Variants in PCSK5 observed in about 807,000 individuals in gnomAD.
The protein encoded by PCSK5 is proprotein convertase subtilisin/kexin type 5.
A neutral mutation model predicts 233.2 loss-of-function variants in PCSK5; 129 were observed. That is an observed-to-expected ratio of 0.55 (90% CI 0.48 to 0.64). The LOEUF (loss-of-function observed/expected upper bound fraction) is 0.64. PCSK5 is among the 30% of genes least tolerant of loss of function. The pLI is 0.00. For synonymous variants in PCSK5, 825 were observed against 879.2 expected, an observed-to-expected ratio of 0.94 and a Z score of 1.09; for missense variants, 2,076 against 2,430.1, an observed-to-expected ratio of 0.85 and a Z score of 3.06.
chr9:76,331,693 G>A (rs1213728730), intron 33 of PCSK5, among the ~76,000 whole-genome samples: 1 of 151,530 alleles, frequency 6.6e-6, no homozygotes, highest in African/African-American at 2.4e-5. Context: ...AGAGATGCCA[G>A]GGGATCAGAG....
chr9:76,227,484 A>T lies in PCSK5; in HGVS notation c.2627-19A>T. 1 of 1,562,064 alleles carries T rather than the reference A, an allele frequency of 6.4e-7. No individual in the cohort carries two copies. Among genetic ancestry groups the T allele is most frequent in the Non-Finnish European group, 8.8e-7 (1 of 1,137,044 alleles). ...TTGCCATGTAGAAATGAAATAAACA[A>T]CTAGATTTTGTTCCCCAGGAGAATA... is the stretch of plus-strand genomic sequence containing the variant. On this transcript the variant is annotated intron_variant, in intron 20 of 37. Coordinates refer to ENST00000674117, the MANE Select transcript of PCSK5 (RefSeq NM_001372043.1).
At chr9:76,273,424 A>G (rs2131376152) in intron 24 of PCSK5, among the ~76,000 whole-genome samples, 1 of 151,612 alleles carries the variant, frequency 6.6e-6, no homozygotes, top group East Asian at 1.9e-4. Context: ...TCATCCACCA[A>G]ATTTCATTGC....
intron 27 of PCSK5, among the ~76,000 whole-genome samples, chr9:76,301,897 G>A (rs991460241): frequency 4.6e-5 from 7 of 152,052 alleles, no homozygotes; most frequent in Admixed American, 2.6e-4. Context: ...AAATACCTAC[G>A]AGATTTATAG....
chr9:76,257,729 C>T (rs1827029934), intron 24 of PCSK5, among the ~76,000 whole-genome samples: 1 of 152,184 alleles, frequency 6.6e-6, no homozygotes, highest in Non-Finnish European at 1.5e-5. Context: ...ACTGATCACC[C>T]TTTGGCCAAG....
At chr9:76,111,522 G>A (rs915466854) in intron 9 of PCSK5, among the ~76,000 whole-genome samples, 4 of 152,140 alleles carry the variant, frequency 2.6e-5, no homozygotes, top group African/African-American at 4.8e-5. Context: ...ACAATTTTTT[G>A]TGATGTGGTA....
At chr9:75,909,968 C>T (rs968718185) in intron 1 of PCSK5, among the ~76,000 whole-genome samples, 5 of 152,120 alleles carry the variant, frequency 3.3e-5, no homozygotes, top group Non-Finnish European at 7.4e-5. Context: ...CTGCATCTGC[C>T]CTGTGATTGG....
chr9:75,961,338 A>G (rs183504017), intron 2 of PCSK5, among the ~76,000 whole-genome samples: 24 of 152,346 alleles, frequency 1.6e-4, no homozygotes, highest in African/African-American at 5.3e-4. Context: ...ATTGGTGCCA[A>G]GAGTAATTTC....
At chr9:76,318,466 T>TAA (rs5898471) in intron 30 of PCSK5, among the ~76,000 whole-genome samples, 25 of 146,138 alleles carry the variant, frequency 1.7e-4, no homozygotes, top group South Asian at 2.2e-4. Flanking sequence ...ATTTAAAGTA[T>TAA]AAAAAAAAAA....
chr9:76,026,062 A>G (rs1004687823), intron 4 of PCSK5, among the ~76,000 whole-genome samples: 1 of 150,768 alleles, frequency 6.6e-6, no homozygotes, highest in East Asian at 2.0e-4. Context: ...AGCCGTGATC[A>G]CACCACTGCC....
At chr9:76,330,491 G>A (rs1020895051) in intron 33 of PCSK5, among the ~76,000 whole-genome samples, 3 of 152,162 alleles carry the variant, frequency 2.0e-5, no homozygotes, top group Admixed American at 6.5e-5. Flanking sequence ...GCTCATGCCT[G>A]TAATCCCAGC....
chr9:75,946,031 G>T (rs1824549320), intron 2 of PCSK5, among the ~76,000 whole-genome samples: 1 of 152,172 alleles, frequency 6.6e-6, no homozygotes, highest in Non-Finnish European at 1.5e-5. Context: ...TTCAATGGAG[G>T]CCATGCATCT....
At chr9:76,302,955 G>C (rs181168411) in intron 28 of PCSK5, among the ~76,000 whole-genome samples, 36 of 130,250 alleles carry the variant, frequency 2.8e-4, no homozygotes, top group African/African-American at 9.8e-4. Context: ...GGGTCAAAGT[G>C]GTTCTTTTTT....
At chr9:76,243,392 A>T (rs2131333745) in intron 24 of PCSK5, among the ~76,000 whole-genome samples, 1 of 152,352 alleles carries the variant, frequency 6.6e-6, no homozygotes, top group Middle Eastern at 3.4e-3. Flanking sequence ...CTGCCAGAGT[A>T]GAGACAGGTA....
chr9:76,258,954 C>G (rs1389408765), intron 24 of PCSK5, among the ~76,000 whole-genome samples: 1 of 152,064 alleles, frequency 6.6e-6, no homozygotes, highest in African/African-American at 2.4e-5. Flanking sequence ...ATCATGTGCC[C>G]AAATGTGCAT....
chr9:76,156,366 A>G (rs1272394562), intron 10 of PCSK5, among the ~76,000 whole-genome samples: 1 of 152,236 alleles, frequency 6.6e-6, no homozygotes, highest in African/African-American at 2.4e-5. Flanking sequence ...AAGCTGGCAT[A>G]AAAGTCTAGA....
intron 7 of PCSK5, among the ~76,000 whole-genome samples, chr9:76,073,457 T>C (rs941425627): frequency 6.6e-6 from 1 of 152,192 alleles, no homozygotes; most frequent in Admixed American, 6.5e-5. Flanking sequence ...ACTCATTGTC[T>C]AGAAGTTTTC....
chr9:75,988,055 A>AAGGTTTCAGTGCCTGC (rs1213673846), intron 3 of PCSK5, among the ~76,000 whole-genome samples: 1 of 152,198 alleles, frequency 6.6e-6, no homozygotes, highest in Non-Finnish European at 1.5e-5. Flanking sequence ...CTGGTGGCTG[A>AAGGTTTCAGTGCCTGC]AGGTTTCAGT....
intron 7 of PCSK5, among the ~76,000 whole-genome samples, chr9:76,084,904 A>G (rs1485634553): frequency 2.6e-5 from 4 of 152,202 alleles, no homozygotes; most frequent in Admixed American, 2.0e-4. Context: ...CTGAGCTTGC[A>G]TTCCTCACCT....
At chr9:76,207,766 G>T (rs932052401) in intron 20 of PCSK5, among the ~76,000 whole-genome samples, 5 of 152,206 alleles carry the variant, frequency 3.3e-5, no homozygotes, top group African/African-American at 1.2e-4. Context: ...TAGGAGGCTG[G>T]AAAGGGACAG....
Sources: allele counts gnomAD v4.1 joint callset (sites outside exome capture counted in the v4.1 genomes callset), GRCh38; gene constraint gnomAD v4.1.1; transcripts MANE v1.5; gene names NCBI Gene and HGNC (gene_info 2026-07-23, HGNC 2026-07-21).